Variants in SLC30A2 observed in about 807,000 individuals in gnomAD.
SLC30A2 encodes the protein solute carrier family 30 member 2, also known as proton-coupled zinc antiporter SLC30A2.
SLC30A2 carries 19 observed loss-of-function variants against 39.6 expected under a neutral mutation model. The observed-to-expected ratio is 0.48, with a 90% CI of 0.34 to 0.70. The LOEUF (loss-of-function observed/expected upper bound fraction) is 0.70, where lower values mean the gene tolerates loss of function less well. Among genes scored for constraint, SLC30A2 ranks in the 30% least tolerant of loss-of-function variants. The pLI is 0.01. For synonymous variants in SLC30A2, 195 were observed against 194.8 expected, an observed-to-expected ratio of 1.00 and a Z score of -0.01; for missense variants, 387 against 479.4, an observed-to-expected ratio of 0.81 and a Z score of 1.80.
In SLC30A2 at chr1:26,039,206, G is replaced by T; in HGVS notation, c.1073C>A (p.Ser358Ter). The T allele has an allele frequency of 6.2e-7, 1 of 1,614,114 alleles. No individual in the cohort carries two copies. The highest frequency in any genetic ancestry group is 8.5e-7 in the Non-Finnish European group (1 of 1,179,986). ...TGCCTGACAGTCCTTCATGTCCTCC[G>T]AGTAGTCCTCGATCTGGATGGTCAC... ...HTVTIQIEDY[S>*]EDMKDCQACQ... is the part of the protein sequence containing the mutation. Residue 358 changes from serine to a stop codon, truncating the protein, a stop_gained, in exon 8 of 8, where the codon TCG becomes TAG. Coordinates refer to ENST00000374276, the MANE Select transcript of SLC30A2 (RefSeq NM_001004434.3). LOFTEE classifies it high-confidence loss of function. The surrounding 1 kb of genome is among the most constrained non-coding windows in gnomAD (Gnocchi z 4.3).
rs2050436326 is a variant in SLC30A2 at position 26,044,446 on chromosome 1, T to C, written c.272-2A>G. 6.2e-7 allele frequency: 1 copy of C among 1,613,014 alleles called. No individual in the cohort carries two copies. ...CCAAGCTGTGTGCCAGGTACCCACCTGCAGGGTGGAGGGTCCTTATCAGCT... is the reference window on the plus strand; with the variant it reads ...CCAAGCTGTGTGCCAGGTACCCACCCGCAGGGTGGAGGGTCCTTATCAGCT... On this transcript the variant is annotated splice_acceptor_variant, in intron 2 of 7. Transcript: ENST00000374276. LOFTEE classifies it high-confidence loss of function.
chr1:26,041,566 C>T (rs2050397614), intron 6 of SLC30A2, 134 bp downstream of exon 6: 1 of 621,656 alleles, frequency 1.6e-6, no homozygotes, highest in Non-Finnish European at 2.9e-6. Context: ...AGGAGGTTTT[C>T]CAGCCTATGC....
chr1:26,038,143 CAG>C lies in SLC30A2; in HGVS notation c.*1015_*1016del, dbSNP rs1303451721. 2 of 152,262 alleles carry C rather than the reference CAG, an allele frequency of 1.3e-5. No homozygotes were observed. The highest frequency in any genetic ancestry group is 2.9e-5 in the Non-Finnish European group (2 of 68,066). The allele number at this position is 152,262 out of a possible 1,614,324, so 9.4% of individuals were successfully genotyped here. A position where few individuals can be genotyped will look rare whatever the true frequency, so the allele number is the denominator to read the frequency against. ...AGGCACTTGCTTACAATGGCAGAGA[CAG>C]ACCTTGTGACACAGGACTCCCTGAT... On this transcript the variant is annotated 3_prime_UTR_variant, in exon 8 of 8. Transcript: ENST00000374276.
chr1:26,043,366 G>C (rs201067729), intron 4 of SLC30A2, 32 bp downstream of exon 4: 12 of 1,603,286 alleles, frequency 7.5e-6, no homozygotes, highest in Admixed American at 3.4e-5. Context: ...GGGAGGAGGA[G>C]GGGAGACGAG....
Position 26,038,779 on chromosome 1 carries a change from A to T in SLC30A2, c.*381T>A. 1 of 180,330 alleles carries T rather than the reference A, an allele frequency of 5.5e-6. No individual in the cohort carries two copies. Among genetic ancestry groups the T allele is most frequent in the Non-Finnish European group, 1.2e-5 (1 of 86,372 alleles). 11.2% of individuals were successfully genotyped at this position (180,330 alleles called of 1,614,324 possible). On this transcript the variant is annotated 3_prime_UTR_variant, in exon 8 of 8. Coordinates refer to ENST00000374276, the MANE Select transcript of SLC30A2 (RefSeq NM_001004434.3). ...AGATTCATAAAGGCAAAGGCCAGCCAGGCTGAGAATGGGGCATGAGGCAGG... is the reference window on the plus strand; with the variant it reads ...AGATTCATAAAGGCAAAGGCCAGCCTGGCTGAGAATGGGGCATGAGGCAGG...
chr1:26,045,761 CA>C, intron 1 of SLC30A2, 85 bp downstream of exon 1: 1 of 1,607,636 alleles, frequency 6.2e-7, no homozygotes, highest in Non-Finnish European at 8.5e-7. Flanking sequence ...AAGCCGCAGC[CA>C]AAACCAACCA....
chr1:26,042,307 C>T (rs905642826), intron 5 of SLC30A2, among the ~76,000 whole-genome samples: 6 of 152,222 alleles, frequency 3.9e-5, no homozygotes, highest in Admixed American at 2.6e-4. Context: ...GGCTGTGTGA[C>T]ACTGTGCAAG....
At chr1:26,043,361 G>A (rs561586063) in intron 4 of SLC30A2, 37 bp downstream of exon 4, 2 of 1,599,988 alleles carry the variant, frequency 1.3e-6, no homozygotes, top group East Asian at 2.2e-5. Context: ...GAGGCGGGAG[G>A]AGGAGGGGAG....
chr1:26,045,405 C>T, intron 1 of SLC30A2, 188 bp from the exon 2 acceptor site: 2 of 617,388 alleles, frequency 3.2e-6, no homozygotes, highest in Non-Finnish European at 5.7e-6. Context: ...AGTCCTGGGG[C>T]CCGGGGCCCT....
Position 26,046,024 on chromosome 1 carries a change from GCCCGGCTCCTGCGGCCCCTGAGCTCC to G in SLC30A2, c.-154_-129del. The G allele has an allele frequency of 7.2e-6, 10 of 1,392,938 alleles. No homozygotes were observed. The highest frequency in any genetic ancestry group is 9.2e-6 in the Non-Finnish European group (10 of 1,084,318). 86.3% of individuals were successfully genotyped at this position (1,392,938 alleles called of 1,614,324 possible). ...GGCCCCGCGAGGTGCGCTCACTCCG[GCCCGGCTCCTGCGGCCCCTGAGCTCC>G]CCCGGCTCCCGCTGCGGCTGCAGCT... On this transcript the variant is annotated 5_prime_UTR_variant, in exon 1 of 8. Transcript: ENST00000374276. The surrounding 1 kb of genome is among the most constrained non-coding windows in gnomAD (Gnocchi z 4.4).
chr1:26,043,386 G>A lies in SLC30A2; in HGVS notation c.572+12C>T, dbSNP rs775342014. The A allele has an allele frequency of 1.9e-6, 3 of 1,610,888 alleles. No homozygotes were observed. The highest frequency in any genetic ancestry group is 1.7e-6 in the Non-Finnish European group (2 of 1,177,696). ...GAGGAGGGGAGACGAGGGAAACTGG[G>A]GCCCCACTCACATGATGTTCACAGC... On this transcript the variant is annotated intron_variant, in intron 4 of 7. Transcript: ENST00000374276.
rs1553143330 is a variant in SLC30A2, at chr1:26,039,765, C to T, written c.973+12G>A. On this transcript the variant is annotated intron_variant, in intron 7 of 7. Coordinates refer to ENST00000374276, the MANE Select transcript of SLC30A2 (RefSeq NM_001004434.3). This position sits in a 1 kb window ranked among gnomAD's most constrained non-coding sequence, Gnocchi z 4.3. ...TGTCTCCCACCCCACCCTGAGTGTC[C>T]CAAGCACTCACCAATGGCGATGTGG... 1 of 1,613,206 alleles carries T rather than the reference C, an allele frequency of 6.2e-7. No individual in the cohort carries two copies. The highest frequency in any genetic ancestry group is 8.5e-7 in the Non-Finnish European group (1 of 1,179,652).
Position 26,039,159 on chromosome 1 carries a change from G to A in SLC30A2, c.*1C>T. The A allele has an allele frequency of 1.2e-6, 2 of 1,613,184 alleles. No homozygotes were observed. Among genetic ancestry groups the A allele is most frequent in the Non-Finnish European group, 1.7e-6 (2 of 1,179,176 alleles). On this transcript the variant is annotated 3_prime_UTR_variant, in exon 8 of 8. Coordinates refer to ENST00000374276, the MANE Select transcript of SLC30A2 (RefSeq NM_001004434.3). The surrounding 1 kb of genome is among the most constrained non-coding windows in gnomAD (Gnocchi z 4.3). ...GCCCCAGTTGGTGCCTGGCTGAGCAGTCAGTCTGAGGGGCCCTGGCATGCC... is the reference window on the plus strand; with the variant it reads ...GCCCCAGTTGGTGCCTGGCTGAGCAATCAGTCTGAGGGGCCCTGGCATGCC...
intron 4 of SLC30A2, 114 bp from the exon 5 acceptor site, chr1:26,042,822 T>G: frequency 2.1e-6 from 2 of 960,630 alleles, no homozygotes; most frequent in Non-Finnish European, 3.1e-6. Context: ...TTGTGATCTC[T>G]TTGGCCATGT....
In SLC30A2 at chr1:26,042,620, A is replaced by G. The variant is rs1433987946; in HGVS notation, c.661T>C (p.Phe221Leu). 6.2e-7 allele frequency: 1 copy of G among 1,614,158 alleles called. No individual in the cohort carries two copies. The highest frequency in any genetic ancestry group is 2.2e-5 in the East Asian group (1 of 44,888). ...ATAAAGTCGCCGATCACATGGATGA[A>G]GGCAGCTCGGACGCTGGGGTTCTCC... ...QEENPSVRAA[F>L]IHVIGDFMQS... is the part of the protein sequence containing the mutation. The change falls in exon 5 of 8, where the codon TTC (phenylalanine) becomes CTC (leucine). Residue 221 changes from phenylalanine to leucine, a missense_variant. Phe to Leu is a conservative substitution (Grantham distance 22). Transcript: ENST00000374276.
At chr1:26,042,775 G>T in intron 4 of SLC30A2, 67 bp from the exon 5 acceptor site, 1 of 1,471,780 alleles carries the variant, frequency 6.8e-7, no homozygotes, top group Non-Finnish European at 9.4e-7. Context: ...ATTAGGACTA[G>T]CCAACTTGTA....
Position 26,039,868 on chromosome 1 carries a change from C to T in SLC30A2, c.882G>A (p.Leu294=). Residue 294 remains leucine, a synonymous_variant, in exon 7 of 8, where the codon CTG becomes CTA. Transcript: ENST00000374276. This position sits in a 1 kb window ranked among gnomAD's most constrained non-coding sequence, Gnocchi z 4.3. The stretch of plus-strand genomic sequence containing the variant: ...GGGCTTCTACCCCCTCCACCGACAG[C>T]AGCAGATCACGAACAGCTGTGAAGT... ...GVDFTAVRDL[L]LSVEGVEALH... 1.2e-6 allele frequency: 2 copies of T among 1,614,130 alleles called. No homozygotes were observed. The highest frequency in any genetic ancestry group is 8.5e-7 in the Non-Finnish European group (1 of 1,180,030).
At chr1:26,040,042 G>T in intron 6 of SLC30A2, 131 bp from the exon 7 acceptor site, 2 of 921,604 alleles carry the variant, frequency 2.2e-6, no homozygotes, top group Non-Finnish European at 3.3e-6. Flanking sequence ...CAGGTCTGAG[G>T]CTGCCTTCAC....
chr1:26,045,821 C>G, intron 1 of SLC30A2, 26 bp downstream of exon 1: 1 of 1,613,614 alleles, frequency 6.2e-7, no homozygotes, highest in Non-Finnish European at 8.5e-7. Flanking sequence ...CCAAAATTCC[C>G]GCCCGTCCCC....
Sources: gnomAD v4.1 joint callset for allele counts (sites outside exome capture counted in the v4.1 genomes callset) on GRCh38, gnomAD v4.1.1 for gene constraint, Gnocchi (gnomAD v3.1) non-coding constraint, MANE v1.5 for transcripts, NCBI Gene and HGNC (gene_info 2026-07-23, HGNC 2026-07-21) for gene names.